The following RIMS2 variants were observed in gnomAD, a reference collection of about 807,000 sequenced individuals.
RIMS2 encodes the protein regulating synaptic membrane exocytosis protein 2.
A neutral mutation model predicts 174.4 loss-of-function variants in RIMS2; 59 were observed. The ratio of observed to expected loss-of-function variants is 0.34; its 90% CI spans 0.27 to 0.42. RIMS2 has a LOEUF of 0.42. RIMS2 is among the 10% of genes least tolerant of loss of function. The pLI is 1.00. For synonymous variants in RIMS2, 606 were observed against 572.5 expected (o/e 1.06, Z -0.84); for missense variants, 1,620 against 1,666.3 (o/e 0.97, Z 0.48).
chr8:103,936,853 T>G, intron 13 of RIMS2, 131 bp downstream of exon 15: 2 of 611,154 alleles, frequency 3.3e-6, no homozygotes, highest in Non-Finnish European at 5.3e-6. Flanking sequence ...CTCAGCACTT[T>G]GGGAGGCCGA....
At position 103,512,198 on chromosome 8, in the gene RIMS2, A is replaced by T. The variant is rs139773595; in HGVS notation, c.176+11136A>T. On this transcript the variant is annotated intron_variant, in intron 1 of 23. Transcript: ENST00000504942. Reference sequence around the variant, plus strand: ...GAACAACGAAACACCCAGAACCTTGAAGTCCTTTCTTCCTTTAATGTCACT... The same window carrying T: ...GAACAACGAAACACCCAGAACCTTGTAGTCCTTTCTTCCTTTAATGTCACT... 7.0e-3 allele frequency among the ~76,000 whole-genome samples: 1,061 copies of T among 152,278 alleles called. 3 individuals carry two copies. Among genetic ancestry groups the T allele is most frequent in the Non-Finnish European group, 0.012 (834 of 68,008 alleles).
chr8:103,518,878 TG>T lies in RIMS2; in HGVS notation c.176+17819del, dbSNP rs199949461. On this transcript the variant is annotated intron_variant, in intron 1 of 23. Coordinates refer to ENST00000504942, the Ensembl canonical transcript of RIMS2. ...ATCCTGAGATCTTGTGTCTCTATTCTGGGTTTGTCCTCTGTATTGCTGCAGA... is the reference window on the plus strand; with the variant it reads ...ATCCTGAGATCTTGTGTCTCTATTCTGGTTTGTCCTCTGTATTGCTGCAGA... Among the ~76,000 whole-genome samples, 945 of 152,290 alleles carry T rather than the reference TG, an allele frequency of 6.2e-3. 11 individuals are homozygous for T. Among genetic ancestry groups the T allele is most frequent in the African/African-American group, 0.022 (912 of 41,566 alleles).
chr8:103,623,117 C>T lies in RIMS2; in HGVS notation c.177-73969C>T, dbSNP rs529270414. 5.9e-5 allele frequency among the ~76,000 whole-genome samples: 9 copies of T among 152,206 alleles called. No individual in the cohort carries two copies. In the South Asian group the frequency reaches 1.7e-3, roughly 28 times the overall value. On this transcript the variant is annotated intron_variant, in intron 1 of 23. Coordinates refer to ENST00000504942, the Ensembl canonical transcript of RIMS2. ...GACATATTGAAGGTTAATAAAAAAG[C>T]AACATGATCTCCCAATGTGATTTTG... is the stretch of plus-strand genomic sequence containing the variant.
chr8:103,815,784 A>AT (rs1411435728), intron 3 of RIMS2, among the ~76,000 whole-genome samples: 1 of 152,210 alleles, frequency 6.6e-6, no homozygotes, highest in Non-Finnish European at 1.5e-5. Context: ...CAGTAATTTG[A>AT]TTCCTTAAAT....
intron 1 of RIMS2, among the ~76,000 whole-genome samples, chr8:103,573,808 A>G (rs941762187): frequency 2.6e-5 from 4 of 152,062 alleles, no homozygotes; most frequent in African/African-American, 9.7e-5. Context: ...CATTCTGGAT[A>G]TTTAATGTTA....
chr8:104,193,557 A>C (rs1190052064), intron 19 of RIMS2, among the ~76,000 whole-genome samples: 2 of 152,148 alleles, frequency 1.3e-5, no homozygotes, highest in Non-Finnish European at 2.9e-5. Flanking sequence ...GCTCTCATCT[A>C]CCTTCCTACC....
rs547980486 is a variant in RIMS2, at chr8:103,902,523, T to G, written c.1625-7611T>G. On this transcript the variant is annotated intron_variant, in intron 4 of 23. Coordinates refer to ENST00000504942, the Ensembl canonical transcript of RIMS2. Reference sequence around the variant, plus strand: ...CTGAAGCAACTCCATGGAACATAGTTTGCAAACCATTGCCTTACATAATAT... The same window carrying G: ...CTGAAGCAACTCCATGGAACATAGTGTGCAAACCATTGCCTTACATAATAT... Among the ~76,000 whole-genome samples, 4 of 152,292 alleles carry G rather than the reference T, an allele frequency of 2.6e-5. No individual in the cohort carries two copies. In the South Asian group the frequency reaches 8.3e-4, roughly 32 times the overall value.
rs2098235175 is a variant in RIMS2 at position 104,113,782 on chromosome 8, T to G, written c.3334+99167T>G. 2.0e-5 allele frequency among the ~76,000 whole-genome samples: 3 copies of G among 151,974 alleles called. No homozygotes were observed. The South Asian group carries it at 6.2e-4, about 31-fold the overall frequency. Reference sequence around the variant, plus strand: ...GAGCTTTTATGCTCCAGCCCTAGACTGCTGATCCCAAATTATGTTTTTTTT... The same window carrying G: ...GAGCTTTTATGCTCCAGCCCTAGACGGCTGATCCCAAATTATGTTTTTTTT... On this transcript the variant is annotated intron_variant, in intron 19 of 23. Coordinates refer to ENST00000504942, the Ensembl canonical transcript of RIMS2.
intron 19 of RIMS2, among the ~76,000 whole-genome samples, chr8:104,025,134 T>A (rs1309389001): frequency 1.3e-5 from 2 of 152,316 alleles, no homozygotes; most frequent in East Asian, 3.9e-4. Context: ...ATTTGCCGTG[T>A]AGATATGCTA....
At chr8:103,606,485 G>C (rs1399453225) in intron 1 of RIMS2, among the ~76,000 whole-genome samples, 1 of 151,534 alleles carries the variant, frequency 6.6e-6, no homozygotes, top group Non-Finnish European at 1.5e-5. Flanking sequence ...CTGTTGATTT[G>C]TGGTGGAGAG....
intron 2 of RIMS2, among the ~76,000 whole-genome samples, chr8:103,739,027 G>A (rs2097724600): frequency 6.6e-6 from 1 of 152,130 alleles, no homozygotes; most frequent in Non-Finnish European, 1.5e-5. Context: ...TCCCATTACT[G>A]GGTATATACC....
chr8:104,057,837 C>G (rs1000558531), intron 19 of RIMS2, among the ~76,000 whole-genome samples: 1 of 149,834 alleles, frequency 6.7e-6, no homozygotes, highest in East Asian at 2.0e-4. Flanking sequence ...TTTGTCCTTG[C>G]GATAGTTTAC....
chr8:103,560,384 GA>G (rs578128073), intron 1 of RIMS2, among the ~76,000 whole-genome samples: 4 of 151,340 alleles, frequency 2.6e-5, no homozygotes, highest in East Asian at 3.9e-4. Flanking sequence ...TCTAAAAAAA[GA>G]AAAAAAAGAA....
chr8:103,774,778 G>A (rs918899232), intron 3 of RIMS2, among the ~76,000 whole-genome samples: 5 of 152,130 alleles, frequency 3.3e-5, no homozygotes, highest in Non-Finnish European at 7.4e-5. Flanking sequence ...GGAACTTTCT[G>A]GGGTGATGAA....
intron 19 of RIMS2, among the ~76,000 whole-genome samples, chr8:104,171,051 G>A (rs561670908): frequency 6.6e-6 from 1 of 152,056 alleles, no homozygotes; most frequent in African/African-American, 2.4e-5. Flanking sequence ...TCCTTTATAG[G>A]TTACCTGATG....
At chr8:103,689,219 T>C (rs1399226290) in intron 1 of RIMS2, among the ~76,000 whole-genome samples, 2 of 152,138 alleles carry the variant, frequency 1.3e-5, no homozygotes, top group Non-Finnish European at 2.9e-5. Context: ...GAGAAGATAC[T>C]TGATATAATT....
At chr8:104,136,702 A>T (rs1314035431) in intron 19 of RIMS2, among the ~76,000 whole-genome samples, 1 of 152,166 alleles carries the variant, frequency 6.6e-6, no homozygotes, top group Non-Finnish European at 1.5e-5. Flanking sequence ...CAGGAACAGA[A>T]ATTTAAATAC....
intron 17 of RIMS2, among the ~76,000 whole-genome samples, chr8:103,990,014 G>A (rs2154550399): frequency 6.6e-6 from 1 of 152,126 alleles, no homozygotes; most frequent in Non-Finnish European, 1.5e-5. Context: ...GAAGTAACAT[G>A]GTATGTTACA....
intron 19 of RIMS2, among the ~76,000 whole-genome samples, chr8:104,156,540 G>C (rs2098725430): frequency 6.6e-6 from 1 of 152,084 alleles, no homozygotes; most frequent in South Asian, 2.1e-4. Flanking sequence ...TTTCCTGAGA[G>C]CATAAGTCTT....
Sources: allele counts gnomAD v4.1 joint callset (sites outside exome capture counted in the v4.1 genomes callset), GRCh38; gene constraint gnomAD v4.1.1; transcripts MANE v1.5; gene names NCBI Gene and HGNC (gene_info 2026-07-23, HGNC 2026-07-21).